The following TNS1 variants were observed in gnomAD, a reference collection of about 807,000 sequenced individuals.
The protein encoded by TNS1 is tensin-1.
A neutral mutation model predicts 168.6 loss-of-function variants in TNS1; 62 were observed. The observed-to-expected ratio is 0.37, with a 90% CI of 0.30 to 0.45. The LOEUF (loss-of-function observed/expected upper bound fraction) is 0.45, where lower values mean the gene tolerates loss of function less well. TNS1 is among the 20% of genes least tolerant of loss of function. The probability of loss-of-function intolerance (pLI) is 1.00; values close to 1 mark genes in which losing one functional copy is unlikely to be tolerated. For synonymous variants in TNS1, 934 were observed against 933.2 expected, an observed-to-expected ratio of 1.00 and a Z score of -0.02; for missense variants, 2,240 against 2,339.4, an observed-to-expected ratio of 0.96 and a Z score of 0.88.
At chr2:217,921,443 A>C (rs1323570062) in intron 3 of TNS1, among the ~76,000 whole-genome samples, 5 of 152,166 alleles carry the variant, frequency 3.3e-5, no homozygotes, top group African/African-American at 1.2e-4. Flanking sequence ...GGCATTGGGC[A>C]CCCTAGCTGA....
At chr2:217,846,484 C>G (rs903605025) in intron 19 of TNS1, among the ~76,000 whole-genome samples, 1 of 152,162 alleles carries the variant, frequency 6.6e-6, no homozygotes, top group Non-Finnish European at 1.5e-5. Flanking sequence ...AGGACAGAGA[C>G]AGCTGCCCAG....
At chr2:218,002,272 C>G (rs76096992) in intron 1 of TNS1, among the ~76,000 whole-genome samples, 1,676 of 152,118 alleles carry the variant, frequency 0.011, 30 homozygotes, top group African/African-American at 0.038. Flanking sequence ...ATGGAGAGGT[C>G]TTGGTAGCAG....
intron 18 of TNS1, among the ~76,000 whole-genome samples, chr2:217,863,486 G>T (rs1438443866): frequency 6.6e-6 from 1 of 152,068 alleles, no homozygotes; most frequent in East Asian, 1.9e-4. Flanking sequence ...AATTGTATTG[G>T]TCCCAAATGC....
chr2:217,866,028 C>T (rs1359053595), intron 18 of TNS1, among the ~76,000 whole-genome samples: 1 of 152,160 alleles, frequency 6.6e-6, no homozygotes, highest in Non-Finnish European at 1.5e-5. Context: ...AAATCTAGTC[C>T]TGGCACCTGT....
chr2:217,962,651 T>C (rs1957528613), intron 3 of TNS1, among the ~76,000 whole-genome samples: 1 of 152,122 alleles, frequency 6.6e-6, no homozygotes, highest in Non-Finnish European at 1.5e-5. Flanking sequence ...ACAGTAGAAT[T>C]CCAGTTAATA....
At chr2:217,926,812 C>A (rs370345328) in intron 3 of TNS1, among the ~76,000 whole-genome samples, 2 of 152,238 alleles carry the variant, frequency 1.3e-5, no homozygotes, top group East Asian at 3.8e-4. Flanking sequence ...ACAATTCTGC[C>A]AGACCAGAGA....
chr2:217,923,596 C>T (rs1343859426), intron 3 of TNS1, among the ~76,000 whole-genome samples: 1 of 152,190 alleles, frequency 6.6e-6, no homozygotes, highest in Non-Finnish European at 1.5e-5. Flanking sequence ...GAAACACACA[C>T]ATCCACGGAG....
At chr2:217,877,067 C>T (rs767504863) in intron 18 of TNS1, among the ~76,000 whole-genome samples, 2 of 152,130 alleles carry the variant, frequency 1.3e-5, no homozygotes, top group Admixed American at 6.5e-5. Flanking sequence ...CAGAGAACTT[C>T]GTCCAGTCCG....
chr2:217,805,082 C>T (rs1360968203), intron 32 of TNS1, among the ~76,000 whole-genome samples: 1 of 152,016 alleles, frequency 6.6e-6, no homozygotes, highest in Non-Finnish European at 1.5e-5. Flanking sequence ...AAGTAGCTCA[C>T]ACCCCTCCAC....
intron 18 of TNS1, chr2:217,850,171 G>A (rs1043657367): frequency 4.8e-5 from 47 of 985,334 alleles, no homozygotes; most frequent in African/African-American, 3.1e-4. Flanking sequence ...CTGCAAAGAC[G>A]AGCATCCTGA....
intron 3 of TNS1, among the ~76,000 whole-genome samples, chr2:217,975,185 C>T (rs1254974437): frequency 6.6e-6 from 1 of 152,098 alleles, no homozygotes; most frequent in African/African-American, 2.4e-5. Flanking sequence ...AGCCACATGA[C>T]AGAACCACCT....
intron 18 of TNS1, chr2:217,858,648 C>G: frequency 1.5e-6 from 1 of 645,834 alleles, no homozygotes; most frequent in Non-Finnish European, 1.9e-6. Flanking sequence ...GTGGGAGGAG[C>G]CAGTGCCGCC....
rs550113586 is a variant in TNS1 at position 217,826,553 on chromosome 2, T to C, written c.3374-4615A>G. 1.4e-3 allele frequency among the ~76,000 whole-genome samples: 209 copies of C among 152,252 alleles called. 2 individuals carry two copies. The highest frequency in any genetic ancestry group is 4.9e-3 in the African/African-American group (203 of 41,544). On this transcript the variant is annotated intron_variant, in intron 22 of 32. Transcript: ENST00000682258. Reference sequence around the variant, plus strand: ...GGCAGGAAAGAAAGTTCTTCCTAATTCTTTCCTGCCAATTCCAGGCCCAGT... The same window carrying C: ...GGCAGGAAAGAAAGTTCTTCCTAATCCTTTCCTGCCAATTCCAGGCCCAGT...
intron 1 of TNS1, among the ~76,000 whole-genome samples, chr2:218,008,965 C>T (rs1200524410): frequency 1.3e-5 from 2 of 152,134 alleles, no homozygotes; most frequent in East Asian, 3.8e-4. Context: ...TCATTTAATC[C>T]TCACAACACT....
Position 217,847,802 on chromosome 2 carries a change from TG to T in TNS1, c.2714del (p.Pro905HisfsTer87). The T allele has an allele frequency of 6.2e-7, 1 of 1,602,432 alleles. No individual in the cohort carries two copies. The highest frequency in any genetic ancestry group is 8.5e-7 in the Non-Finnish European group (1 of 1,170,486). ...GHSLGTPEPA[P>X]RASLESVPPG... ...GAGGGACAGACTCCAGAGAGGCCCG[TG>T]GGGCTGGCTCAGGGGTTCCCAACGA... is the stretch of plus-strand genomic sequence containing the variant. On this transcript the variant is annotated frameshift_variant, in exon 19 of 33. Coordinates refer to ENST00000682258, the MANE Select transcript of TNS1 (RefSeq NM_001387777.1). LOFTEE classifies it high-confidence loss of function.
chr2:217,958,168 C>T (rs1232285667), intron 3 of TNS1, among the ~76,000 whole-genome samples: 1 of 152,086 alleles, frequency 6.6e-6, no homozygotes, highest in African/African-American at 2.4e-5. Context: ...CAAGACCATA[C>T]CTTCTATCAC....
At chr2:217,844,067 C>T (rs888883117) in intron 19 of TNS1, among the ~76,000 whole-genome samples, 6 of 151,990 alleles carry the variant, frequency 3.9e-5, no homozygotes, top group Admixed American at 2.6e-4. Context: ...TTAACAGAAC[C>T]ATCATTCTAT....
intron 9 of TNS1, 26 bp downstream of exon 9, chr2:217,894,980 C>T (rs1321192490): frequency 8.7e-6 from 14 of 1,611,060 alleles, no homozygotes; most frequent in Non-Finnish European, 1.2e-5. Context: ...TTCTCCTCCC[C>T]TACCCCAAAA....
At chr2:217,881,287 C>A in intron 17 of TNS1, 1 of 379,678 alleles carries the variant, frequency 2.6e-6, no homozygotes. Context: ...TGGAAGAAAG[C>A]GGGGAGGACC....
Sources: allele counts gnomAD v4.1 joint callset (sites outside exome capture counted in the v4.1 genomes callset), GRCh38; gene constraint gnomAD v4.1.1; transcripts MANE v1.5; gene names NCBI Gene and HGNC (gene_info 2026-07-23, HGNC 2026-07-21).